The following PTPN4 variants were observed in gnomAD, a reference collection of about 807,000 sequenced individuals.
PTPN4 encodes the protein protein tyrosine phosphatase non-receptor type 4.
In PTPN4, 49 loss-of-function variants were observed where a neutral mutation model predicts 135.5. That is an observed-to-expected ratio of 0.36 (90% CI 0.29 to 0.46). The LOEUF (loss-of-function observed/expected upper bound fraction) is 0.46, where lower values mean the gene tolerates loss of function less well. Ranked by LOEUF, PTPN4 falls within the 20% of genes least tolerant of loss-of-function variation. The pLI is 1.00. For synonymous variants in PTPN4, 333 were observed against 369.9 expected (o/e 0.90, Z 1.14); for missense variants, 860 against 1,101.0 (o/e 0.78, Z 3.10).
In PTPN4 at chr2:119,934,916, C is replaced by T. The variant is rs556263959; in HGVS notation, c.1313C>T (p.Pro438Leu). 6.2e-6 allele frequency: 10 copies of T among 1,613,800 alleles called. No individual in the cohort carries two copies. Among genetic ancestry groups the T allele is most frequent in the Admixed American group, 5.0e-5 (3 of 60,010 alleles). ...PSEVFVNQRS[P>L]SSTQANSIVL... ...GAAGTGTTTGTAAATCAGAGATCTC[C>T]GTCATCAACACAAGCTAATAGCATT... Residue 438 changes from proline (P) to leucine (L), a missense_variant, in exon 15 of 27, where the codon CCG becomes CTG. By Grantham distance (98) the Pro-to-Leu change is moderately conservative (BLOSUM62 -3). This residue lies in a region of PTPN4 where 684 missense variants were observed against 807.0 expected (regional missense o/e 0.85). Coordinates refer to ENST00000263708, the MANE Select transcript of PTPN4 (RefSeq NM_002830.4).
At chr2:119,970,357 G>A (rs1410084175) in intron 26 of PTPN4, among the ~76,000 whole-genome samples, 1 of 152,094 alleles carries the variant, frequency 6.6e-6, no homozygotes, top group Non-Finnish European at 1.5e-5. Context: ...ACCAGGCCCG[G>A]CTATATAATT....
chr2:119,881,480 A>G (rs1007282922), intron 5 of PTPN4, among the ~76,000 whole-genome samples: 5 of 152,186 alleles, frequency 3.3e-5, no homozygotes, highest in Non-Finnish European at 7.3e-5. Context: ...CTTTCTGCAT[A>G]TACCAACCCT....
At chr2:119,910,145 ATGTGGTCTTGCCACAT>A (rs1480582414) in intron 10 of PTPN4, among the ~76,000 whole-genome samples, 2 of 152,082 alleles carry the variant, frequency 1.3e-5, no homozygotes, top group East Asian at 1.9e-4. Flanking sequence ...GCATTTGGCA[ATGTGGTCTTGCCACAT>A]TGTGGCAAGA....
chr2:119,886,656 A>G (rs1678158971), intron 9 of PTPN4, among the ~76,000 whole-genome samples: 1 of 152,222 alleles, frequency 6.6e-6, no homozygotes, highest in African/African-American at 2.4e-5. Flanking sequence ...ATCAACCTGA[A>G]AGAGAATTCA....
intron 2 of PTPN4, among the ~76,000 whole-genome samples, chr2:119,857,886 A>T (rs980099214): frequency 6.6e-6 from 1 of 152,156 alleles, no homozygotes; most frequent in Non-Finnish European, 1.5e-5. Context: ...CTGAAATGTG[A>T]TTCCCAGTGT....
At chr2:119,974,859 G>A (rs1414687011) in intron 26 of PTPN4, among the ~76,000 whole-genome samples, 1 of 152,070 alleles carries the variant, frequency 6.6e-6, no homozygotes, top group Non-Finnish European at 1.5e-5. Flanking sequence ...TACAAATTCA[G>A]GACCACAGTG....
At chr2:119,878,398 A>G (rs556243217) in intron 5 of PTPN4, among the ~76,000 whole-genome samples, 1 of 152,346 alleles carries the variant, frequency 6.6e-6, no homozygotes, top group Admixed American at 6.5e-5. Flanking sequence ...AGATATAAGA[A>G]TATAGGCCAG....
At chr2:119,845,180 G>A (rs1184035646) in intron 2 of PTPN4, among the ~76,000 whole-genome samples, 2 of 142,768 alleles carry the variant, frequency 1.4e-5, no homozygotes, top group Non-Finnish European at 3.1e-5. Flanking sequence ...GCAGTGAGCC[G>A]AGATGGCAGC....
chr2:119,845,835 T>C (rs912368681), intron 2 of PTPN4, among the ~76,000 whole-genome samples: 8 of 152,228 alleles, frequency 5.3e-5, no homozygotes, highest in Admixed American at 4.6e-4. Flanking sequence ...TTTGTAGCTA[T>C]AAATTTTTCT....
Position 119,956,863 on chromosome 2 carries a change from C to A in PTPN4, c.2000C>A (p.Pro667His). The change falls in exon 21 of 27, where the codon CCT becomes CAT. Residue 667 changes from proline to histidine, a missense_variant. Transcript: ENST00000263708. Reference protein sequence around the residue: ...TQFDQLYRKKPGMTMSCAKLP... With the variant: ...TQFDQLYRKKHGMTMSCAKLP... ...TTTTAGCAACTGTATCGGAAAAAAC[C>A]TGGAATGACAATGTCCTGTGCCAAA... 6.3e-7 allele frequency: 1 copy of A among 1,587,188 alleles called. No homozygotes were observed. Among genetic ancestry groups the A allele is most frequent in the Admixed American group, 1.9e-5 (1 of 52,724 alleles).
intron 18 of PTPN4, among the ~76,000 whole-genome samples, chr2:119,951,164 G>A (rs544421515): frequency 1.3e-5 from 2 of 152,308 alleles, no homozygotes; most frequent in South Asian, 4.1e-4. Context: ...TCATAATACT[G>A]TCTACTTGAC....
intron 2 of PTPN4, among the ~76,000 whole-genome samples, chr2:119,825,858 G>A (rs986621140): frequency 2.6e-5 from 4 of 152,102 alleles, no homozygotes; most frequent in African/African-American, 9.7e-5. Context: ...GCTATCAATT[G>A]GATGGTCTTC....
Position 119,882,551 on chromosome 2 carries a change from C to T in PTPN4, c.515C>T (p.Ser172Leu), listed in dbSNP as rs1678096253. 1 of 1,554,224 alleles carries T rather than the reference C, an allele frequency of 6.4e-7. No homozygotes were observed. Among genetic ancestry groups the T allele is most frequent in the Non-Finnish European group, 8.8e-7 (1 of 1,140,786 alleles). Residue 172 changes from serine (S) to leucine (L), a missense_variant, in exon 8 of 27, where the codon TCA becomes TTA. Ser to Leu is a moderately radical substitution (Grantham distance 145, BLOSUM62 -2). Around this residue, in one of 2 missense-constraint regions of PTPN4, gnomAD observed 684 missense variants for 807.0 expected, o/e 0.85. Transcript: ENST00000263708. ...DQSENLSGYL[S>L]DYSFIPNQPQ... ...TCAGAGAACTTGTCAGGCTACCTCT[C>T]AGATTATTCTTTCATTCCTAATCAA...
At chr2:119,850,401 G>A (rs761509511) in intron 2 of PTPN4, among the ~76,000 whole-genome samples, 5 of 152,254 alleles carry the variant, frequency 3.3e-5, no homozygotes, top group Non-Finnish European at 7.3e-5. Flanking sequence ...TGTGTCTGAG[G>A]TAGAGTCTTG....
At chr2:119,828,137 T>C (rs1311353720) in intron 2 of PTPN4, among the ~76,000 whole-genome samples, 1 of 152,222 alleles carries the variant, frequency 6.6e-6, no homozygotes, top group Non-Finnish European at 1.5e-5. Flanking sequence ...TCTCACCATA[T>C]GGAGAAGCCA....
intron 12 of PTPN4, among the ~76,000 whole-genome samples, chr2:119,922,226 A>C (rs1471357829): frequency 5.6e-5 from 8 of 142,050 alleles, no homozygotes; most frequent in Non-Finnish European, 8.9e-5. Flanking sequence ...TTTAAAAAAA[A>C]AAAAAAAAAA....
At chr2:119,937,975 A>G (rs547429063) in intron 15 of PTPN4, among the ~76,000 whole-genome samples, 13 of 151,982 alleles carry the variant, frequency 8.6e-5, no homozygotes, top group African/African-American at 3.1e-4. Context: ...AAAAAAGGTC[A>G]GAGTTTAAGA....
At chr2:119,775,130 CA>C (rs1690810488) in intron 1 of PTPN4, among the ~76,000 whole-genome samples, 1 of 79,606 alleles carries the variant, frequency 1.3e-5, no homozygotes, top group Non-Finnish European at 2.4e-5. Flanking sequence ...AAAAAAGCCA[CA>C]AAGGACATTT....
chr2:119,822,183 A>G lies in PTPN4; in HGVS notation c.138+12192A>G, dbSNP rs558134234. 3.3e-5 allele frequency among the ~76,000 whole-genome samples: 5 copies of G among 152,138 alleles called. No individual in the cohort carries two copies. In the South Asian group the frequency reaches 1.0e-3, roughly 32 times the overall value. On this transcript the variant is annotated intron_variant, in intron 2 of 26. Transcript: ENST00000263708. ...CATGGATCTTCAACCTTCCTTTCCC[A>G]TTTTTAGCCTCATGCCTTATCTTGC... is the stretch of plus-strand genomic sequence containing the variant.
Sources: allele counts gnomAD v4.1 joint callset (sites outside exome capture counted in the v4.1 genomes callset), GRCh38; gene constraint gnomAD v4.1.1; regional missense constraint gnomAD v4.1.1; transcripts MANE v1.5; gene names NCBI Gene and HGNC (gene_info 2026-07-23, HGNC 2026-07-21).